The following PICALM variants were observed in gnomAD, a reference collection of about 807,000 sequenced individuals.
The protein encoded by PICALM is phosphatidylinositol-binding clathrin assembly protein.
PICALM carries 40 observed loss-of-function variants against 80.5 expected under a neutral mutation model. That is an observed-to-expected ratio of 0.50 (90% CI 0.39 to 0.65). PICALM has a LOEUF of 0.65. Among genes scored for constraint, PICALM ranks in the 30% least tolerant of loss-of-function variants. PICALM has a pLI of 0.00. For missense variants in PICALM, 676 were observed against 778.9 expected (o/e 0.87, Z 1.57); for synonymous variants, 288 against 260.3 (o/e 1.11, Z -1.02).
At chr11:86,006,942 T>C (rs1308038636) in intron 8 of PICALM, among the ~76,000 whole-genome samples, 1 of 152,230 alleles carries the variant, frequency 6.6e-6, no homozygotes, top group Non-Finnish European at 1.5e-5. Flanking sequence ...TATTTAATCC[T>C]GTGAACTACT....
intron 11 of PICALM, among the ~76,000 whole-genome samples, chr11:85,999,042 T>C (rs933850704): frequency 6.6e-6 from 1 of 152,268 alleles, no homozygotes; most frequent in Non-Finnish European, 1.5e-5. Context: ...TACCATGTAA[T>C]TATCAGGACA....
intron 5 of PICALM, among the ~76,000 whole-genome samples, chr11:86,014,600 A>G (rs551233625): frequency 6.6e-6 from 1 of 152,326 alleles, no homozygotes; most frequent in Admixed American, 6.5e-5. Context: ...GCCATTATCA[A>G]AAGAAAATAT....
chr11:86,004,977 G>A (rs1215150229), intron 8 of PICALM, among the ~76,000 whole-genome samples: 1 of 152,224 alleles, frequency 6.6e-6, no homozygotes, highest in African/African-American at 2.4e-5. Context: ...GAGATGATAA[G>A]GAGGATGTTG....
At chr11:86,017,826 C>T (rs1013642278) in intron 4 of PICALM, among the ~76,000 whole-genome samples, 9 of 152,062 alleles carry the variant, frequency 5.9e-5, no homozygotes, top group Non-Finnish European at 1.3e-4. Context: ...AAAATATTCA[C>T]CAAAGTATTA....
At chr11:86,019,461 T>A (rs1338830017) in intron 4 of PICALM, among the ~76,000 whole-genome samples, 1 of 152,170 alleles carries the variant, frequency 6.6e-6, no homozygotes, top group Non-Finnish European at 1.5e-5. Context: ...ATAAAAAAAT[T>A]CACCAACTAT....
chr11:86,002,660 T>C (rs2095174874), intron 9 of PICALM, among the ~76,000 whole-genome samples: 1 of 152,202 alleles, frequency 6.6e-6, no homozygotes, highest in South Asian at 2.1e-4. Flanking sequence ...AGTCCCAGCA[T>C]TGCTACTACA....
intron 7 of PICALM, 101 bp downstream of exon 7, chr11:86,010,929 T>C (rs2095383838): frequency 1.1e-5 from 7 of 659,358 alleles, no homozygotes; most frequent in East Asian, 2.8e-5. Context: ...GAATACTAAA[T>C]TGAAGACATT....
intron 18 of PICALM, 141 bp from the exon 19 acceptor site, chr11:85,974,953 C>G (rs1196096312): frequency 1.6e-6 from 1 of 621,836 alleles, no homozygotes; most frequent in East Asian, 2.7e-5. Context: ...ATAAGTAAGA[C>G]TAACAGCTAC....
chr11:85,964,346 G>A (rs2077359361), intron 19 of PICALM, among the ~76,000 whole-genome samples: 1 of 152,128 alleles, frequency 6.6e-6, no homozygotes, highest in Non-Finnish European at 1.5e-5. Flanking sequence ...CTGTCTCATT[G>A]GCAAAATCAA....
At chr11:86,024,045 G>T (rs112224209) in intron 3 of PICALM, among the ~76,000 whole-genome samples, 2 of 152,018 alleles carry the variant, frequency 1.3e-5, no homozygotes, top group South Asian at 4.1e-4. Flanking sequence ...AGGGAGGACC[G>T]CTTGAGCCAG....
At chr11:85,969,020 G>T (rs1353225957) in intron 19 of PICALM, among the ~76,000 whole-genome samples, 1 of 148,206 alleles carries the variant, frequency 6.7e-6, no homozygotes, top group Non-Finnish European at 1.5e-5. Context: ...ATGTGTATAG[G>T]AATTCATAAG....
chr11:86,059,207 G>A (rs1264019681), intron 1 of PICALM, among the ~76,000 whole-genome samples: 4 of 152,196 alleles, frequency 2.6e-5, no homozygotes, highest in Non-Finnish European at 5.9e-5. Context: ...AATAGTCTGA[G>A]CTATGAAGGG....
intron 4 of PICALM, among the ~76,000 whole-genome samples, chr11:86,020,544 C>T (rs886092569): frequency 6.6e-6 from 1 of 151,818 alleles, no homozygotes; most frequent in Non-Finnish European, 1.5e-5. Context: ...ACATACAGAT[C>T]AACAGAACAG....
rs776014278 is a variant in PICALM at position 86,055,167 on chromosome 11, A to G, written c.130+13484T>C. ...ACAACATGGTGAAACCCCCGTCTCT[A>G]CTAAAATACAAAATTAGCCAGGCGT... On this transcript the variant is annotated intron_variant, in intron 1 of 19. Coordinates refer to ENST00000393346, the MANE Select transcript of PICALM (RefSeq NM_007166.4). Among the ~76,000 whole-genome samples the G allele has an allele frequency of 6.0e-4, 91 of 151,996 alleles. 1 individual carries two copies. The highest frequency in any genetic ancestry group is 6.8e-3 in the Middle Eastern group (2 of 294).
chr11:86,064,609 C>A (rs374674653), intron 1 of PICALM, among the ~76,000 whole-genome samples: 5 of 147,804 alleles, frequency 3.4e-5, no homozygotes, highest in East Asian at 2.0e-4. Context: ...GATTCCACCA[C>A]TGCACTCCAG....
chr11:86,015,385 G>A (rs1210296361), intron 4 of PICALM, among the ~76,000 whole-genome samples: 1 of 152,146 alleles, frequency 6.6e-6, no homozygotes, highest in Non-Finnish European at 1.5e-5. Flanking sequence ...TGTAGGCCAA[G>A]AGTTAACAAA....
intron 4 of PICALM, among the ~76,000 whole-genome samples, chr11:86,021,019 A>C (rs1359680313): frequency 6.6e-6 from 1 of 152,176 alleles, no homozygotes; most frequent in Non-Finnish European, 1.5e-5. Flanking sequence ...AAATTCTTGC[A>C]ACTTAACAAT....
At chr11:85,990,211 T>A (rs1397827624) in intron 13 of PICALM, 39 bp downstream of exon 13, 6 of 1,302,818 alleles carry the variant, frequency 4.6e-6, no homozygotes, top group South Asian at 2.7e-5. Context: ...TTAGGCAGTA[T>A]AAACATTGAT....
At chr11:85,999,245 G>A (rs964672165) in intron 11 of PICALM, among the ~76,000 whole-genome samples, 16 of 152,298 alleles carry the variant, frequency 1.1e-4, no homozygotes, top group Non-Finnish European at 2.1e-4. Flanking sequence ...TACAATAGTT[G>A]TGTAGATAGT....
Sources: gnomAD v4.1 joint callset for allele counts (sites outside exome capture counted in the v4.1 genomes callset) on GRCh38, gnomAD v4.1.1 for gene constraint, MANE v1.5 for transcripts, NCBI Gene and HGNC (gene_info 2026-07-23, HGNC 2026-07-21) for gene names.